PDZRN4: variants seen among roughly 807,000 people sequenced by gnomAD.
The protein encoded by PDZRN4 is PDZ domain-containing RING finger protein 4.
PDZRN4 carries 70 observed loss-of-function variants against 99.0 expected under a neutral mutation model. The observed-to-expected ratio is 0.71, with a 90% CI of 0.58 to 0.86. PDZRN4 has a LOEUF of 0.86. PDZRN4 is among the 40% of genes least tolerant of loss of function. The pLI is 0.00. For synonymous variants in PDZRN4, 551 were observed against 501.6 expected (o/e 1.10, Z -1.32); for missense variants, 1,474 against 1,331.2 (o/e 1.11, Z -1.67).
intron 3 of PDZRN4, among the ~76,000 whole-genome samples, chr12:41,373,809 T>C (rs1378852662): frequency 6.6e-6 from 1 of 152,156 alleles, no homozygotes; most frequent in Non-Finnish European, 1.5e-5. Context: ...TAAGTGTCCA[T>C]GAAATCTTCA....
intron 3 of PDZRN4, among the ~76,000 whole-genome samples, chr12:41,282,072 A>C (rs921820625): frequency 7.2e-5 from 11 of 152,196 alleles, no homozygotes; most frequent in African/African-American, 2.7e-4. Context: ...AGAGGCAAAG[A>C]CTGGCAAATT....
intron 5 of PDZRN4, among the ~76,000 whole-genome samples, chr12:41,550,301 A>C (rs1252301131): frequency 6.6e-6 from 1 of 152,072 alleles, no homozygotes; most frequent in East Asian, 1.9e-4. Context: ...ACAGCTCCTC[A>C]TTTGTATTGA....
chr12:41,367,010 G>A (rs1458461881), intron 3 of PDZRN4, among the ~76,000 whole-genome samples: 4 of 152,014 alleles, frequency 2.6e-5, no homozygotes, highest in African/African-American at 9.7e-5. Flanking sequence ...CCTACGGGGA[G>A]CTGTTTGAGC....
In PDZRN4 at chr12:41,420,316, C is replaced by G. The variant is rs17637850; in HGVS notation, c.844-86140C>G. 4.5e-3 allele frequency among the ~76,000 whole-genome samples: 687 copies of G among 152,310 alleles called. 4 individuals are homozygous for G. The highest frequency in any genetic ancestry group is 7.2e-3 in the Non-Finnish European group (491 of 68,024). On this transcript the variant is annotated intron_variant, in intron 3 of 9. Transcript: ENST00000402685. ...CTCCCTTCAGCATCTTCAGCCTCTTCTTTCTTGAACTCATTCCTATTAGAA... is the reference window on the plus strand; with the variant it reads ...CTCCCTTCAGCATCTTCAGCCTCTTGTTTCTTGAACTCATTCCTATTAGAA...
intron 3 of PDZRN4, among the ~76,000 whole-genome samples, chr12:41,463,050 A>T (rs1592069546): frequency 6.6e-6 from 1 of 152,320 alleles, no homozygotes; most frequent in East Asian, 1.9e-4. Flanking sequence ...AAGAATATCA[A>T]ACTATAGCAT....
At chr12:41,508,555 C>T (rs1938248066) in intron 4 of PDZRN4, among the ~76,000 whole-genome samples, 1 of 152,146 alleles carries the variant, frequency 6.6e-6, no homozygotes, top group Non-Finnish European at 1.5e-5. Flanking sequence ...TTCTTACTAT[C>T]CGAAAGACAA....
intron 3 of PDZRN4, among the ~76,000 whole-genome samples, chr12:41,309,959 G>A (rs1485981404): frequency 1.3e-5 from 2 of 151,660 alleles, no homozygotes; most frequent in Non-Finnish European, 2.9e-5. Flanking sequence ...TTGAGACAGA[G>A]TCTTACTCTG....
chr12:41,343,744 T>C (rs1454138772), intron 3 of PDZRN4, among the ~76,000 whole-genome samples: 1 of 151,870 alleles, frequency 6.6e-6, no homozygotes, highest in Non-Finnish European at 1.5e-5. Context: ...TTGAATGGTC[T>C]CACTACAAAT....
intron 3 of PDZRN4, among the ~76,000 whole-genome samples, chr12:41,497,888 A>G (rs1227566524): frequency 6.6e-6 from 1 of 152,134 alleles, no homozygotes; most frequent in Non-Finnish European, 1.5e-5. Context: ...GAAGCTATTC[A>G]TCTATCAATT....
At chr12:41,372,376 G>T (rs114024210) in intron 3 of PDZRN4, among the ~76,000 whole-genome samples, 3 of 152,102 alleles carry the variant, frequency 2.0e-5, no homozygotes, top group South Asian at 2.1e-4. Context: ...CAAACTAGTC[G>T]GGTGGAAATG....
chr12:41,231,703 C>G (rs1951030576), intron 3 of PDZRN4, among the ~76,000 whole-genome samples: 1 of 151,950 alleles, frequency 6.6e-6, no homozygotes, highest in African/African-American at 2.4e-5. Flanking sequence ...AGGGCCCAGC[C>G]CTAACTTTGC....
At chr12:41,290,891 T>C (rs1321715685) in intron 3 of PDZRN4, among the ~76,000 whole-genome samples, 2 of 152,126 alleles carry the variant, frequency 1.3e-5, no homozygotes, top group Non-Finnish European at 2.9e-5. Context: ...TCTAAGTAAT[T>C]TGATTCATTT....
At chr12:41,566,715 T>C (rs1229613522) in intron 8 of PDZRN4, among the ~76,000 whole-genome samples, 2 of 152,206 alleles carry the variant, frequency 1.3e-5, no homozygotes, top group Non-Finnish European at 2.9e-5. Flanking sequence ...GTTTTTAAGT[T>C]GTAGAAGTTC....
chr12:41,268,251 A>G (rs12300590), intron 3 of PDZRN4, among the ~76,000 whole-genome samples: 18,546 of 152,230 alleles, frequency 0.12, 1,996 homozygotes, highest in African/African-American at 0.29. Context: ...AGACTTGAGA[A>G]AAGTTTAGCA....
At chr12:41,221,065 T>G (rs1950952170) in intron 3 of PDZRN4, among the ~76,000 whole-genome samples, 1 of 152,174 alleles carries the variant, frequency 6.6e-6, no homozygotes, top group South Asian at 2.1e-4. Flanking sequence ...GAAGCATCCA[T>G]GCAATTGGCC....
intron 5 of PDZRN4, among the ~76,000 whole-genome samples, chr12:41,541,890 T>C (rs1350303294): frequency 2.6e-5 from 4 of 152,226 alleles, no homozygotes; most frequent in African/African-American, 4.8e-5. Flanking sequence ...TCTGCTCTTA[T>C]ATTTAGGCAA....
chr12:41,367,123 C>T (rs987039708), intron 3 of PDZRN4, among the ~76,000 whole-genome samples: 7 of 152,070 alleles, frequency 4.6e-5, no homozygotes, highest in African/African-American at 1.7e-4. Context: ...ACCTTTGTGC[C>T]TTACATTCCC....
At chr12:41,367,673 G>T (rs1021267490) in intron 3 of PDZRN4, among the ~76,000 whole-genome samples, 1 of 151,968 alleles carries the variant, frequency 6.6e-6, no homozygotes, top group African/African-American at 2.4e-5. Context: ...AAAATAGCTT[G>T]GTGGTAATTT....
Position 41,574,683 on chromosome 12 carries a change from T to C in PDZRN4, c.*793T>C, listed in dbSNP as rs1939550096. The C allele has an allele frequency of 6.6e-6, 1 of 152,302 alleles. No homozygotes were observed. The allele number at this position is 152,302 out of a possible 1,614,324, so 9.4% of individuals were successfully genotyped here. A position where few individuals can be genotyped will look rare whatever the true frequency, so the allele number is the denominator to read the frequency against. On this transcript the variant is annotated 3_prime_UTR_variant, in exon 10 of 10. Transcript: ENST00000402685. ...ATTTAGAAGACGCCTAATTGTGGAT[T>C]ATAAAATGTGCACATTTTCTATCAC...
Sources: allele counts gnomAD v4.1 joint callset (sites outside exome capture counted in the v4.1 genomes callset), GRCh38; gene constraint gnomAD v4.1.1; transcripts MANE v1.5; gene names NCBI Gene and HGNC (gene_info 2026-07-23, HGNC 2026-07-21).